Variants in GPC5 observed in about 807,000 individuals in gnomAD.
GPC5 encodes the protein glypican-5.
In GPC5, 47 loss-of-function variants were observed where a neutral mutation model predicts 53.9. The observed-to-expected ratio is 0.87, with a 90% CI of 0.69 to 1.11. The LOEUF (loss-of-function observed/expected upper bound fraction) is 1.11. GPC5 is among the 50% of genes most tolerant of loss of function. GPC5 has a pLI of 0.00. For missense variants in GPC5, 748 were observed against 713.1 expected, an observed-to-expected ratio of 1.05 and a Z score of -0.56; for synonymous variants, 286 against 263.3, an observed-to-expected ratio of 1.09 and a Z score of -0.84.
chr13:92,685,583 C>G (rs1411177906), intron 7 of GPC5, among the ~76,000 whole-genome samples: 8 of 42,644 alleles, frequency 1.9e-4, no homozygotes, highest in African/African-American at 2.7e-4. Flanking sequence ...TTATTATACT[C>G]TAAGTTTTAG....
chr13:92,637,640 C>A (rs1488832351), intron 7 of GPC5, among the ~76,000 whole-genome samples: 2 of 152,144 alleles, frequency 1.3e-5, no homozygotes, highest in Non-Finnish European at 2.9e-5. Context: ...GCAAATTATT[C>A]CTAAGTAACT....
Position 92,709,022 on chromosome 13 carries a change from G to A in GPC5, c.1562-157260G>A, listed in dbSNP as rs1053883964. 3.4e-5 allele frequency among the ~76,000 whole-genome samples: 5 copies of A among 148,364 alleles called. No individual in the cohort carries two copies. The South Asian group carries it at 1.1e-3, about 32-fold the overall frequency. ...CTCAGCCTCTCAAGTAGCTGGGCCT[G>A]CAGGCACCCACCACCATCTGGCTAA... On this transcript the variant is annotated intron_variant, in intron 7 of 7. Transcript: ENST00000377067.
chr13:91,529,464 C>G (rs1007252922), intron 2 of GPC5, among the ~76,000 whole-genome samples: 1 of 152,064 alleles, frequency 6.6e-6, no homozygotes, highest in Non-Finnish European at 1.5e-5. Context: ...CTTTATGCTC[C>G]GAAGACATTT....
chr13:91,735,217 G>GT (rs967500269), intron 4 of GPC5, among the ~76,000 whole-genome samples: 7 of 150,734 alleles, frequency 4.6e-5, no homozygotes, highest in Non-Finnish European at 1.0e-4. Flanking sequence ...TAGCTCTATG[G>GT]TTTTTTCTCT....
At chr13:92,399,069 C>G (rs1875433242) in intron 7 of GPC5, among the ~76,000 whole-genome samples, 1 of 152,190 alleles carries the variant, frequency 6.6e-6, no homozygotes, top group South Asian at 2.1e-4. Flanking sequence ...TAACCACCAC[C>G]CAAAAGACTC....
chr13:91,631,193 C>A lies in GPC5; in HGVS notation c.326-61994C>A, dbSNP rs149928784. On this transcript the variant is annotated intron_variant, in intron 2 of 7. Coordinates refer to ENST00000377067, the MANE Select transcript of GPC5 (RefSeq NM_004466.6). ...AAGGCCTTAGGTATTGGCAAGTGTA[C>A]CACTTTGGTTTTTGGTTTACATTAC... 1.0e-3 allele frequency among the ~76,000 whole-genome samples: 156 copies of A among 152,254 alleles called. 2 individuals are homozygous for A. The East Asian group carries it at 0.024, about 24-fold the overall frequency.
intron 5 of GPC5, among the ~76,000 whole-genome samples, chr13:91,768,072 T>A (rs1053428258): frequency 3.9e-5 from 6 of 152,208 alleles, no homozygotes; most frequent in African/African-American, 1.4e-4. Flanking sequence ...AAAATATTGT[T>A]TATTAGTCTA....
intron 7 of GPC5, among the ~76,000 whole-genome samples, chr13:92,693,483 G>T (rs1887472925): frequency 6.6e-6 from 1 of 152,122 alleles, no homozygotes; most frequent in Non-Finnish European, 1.5e-5. Context: ...GGAAACTGGA[G>T]TAAAGGTCAC....
At chr13:91,610,682 T>C (rs1404293355) in intron 2 of GPC5, among the ~76,000 whole-genome samples, 1 of 152,212 alleles carries the variant, frequency 6.6e-6, no homozygotes, top group Non-Finnish European at 1.5e-5. Flanking sequence ...ATCTGTGAAT[T>C]TTTAAAAACT....
At chr13:92,490,921 G>A (rs1162605041) in intron 7 of GPC5, among the ~76,000 whole-genome samples, 1 of 152,016 alleles carries the variant, frequency 6.6e-6, no homozygotes, top group Admixed American at 6.6e-5. Flanking sequence ...AAGAAGCCTT[G>A]TAAAATTTAT....
chr13:92,342,948 T>C (rs907772296), intron 7 of GPC5, among the ~76,000 whole-genome samples: 51 of 152,252 alleles, frequency 3.3e-4, no homozygotes, highest in Non-Finnish European at 1.2e-4. Context: ...CTTTCATATA[T>C]TAGGACATTA....
chr13:91,943,169 A>C (rs1408414864), intron 6 of GPC5, among the ~76,000 whole-genome samples: 3 of 152,134 alleles, frequency 2.0e-5, no homozygotes, highest in Non-Finnish European at 4.4e-5. Flanking sequence ...AGATTCTGCT[A>C]TGCTTTTTCA....
At chr13:91,876,106 T>G (rs527423156) in intron 5 of GPC5, among the ~76,000 whole-genome samples, 1 of 152,320 alleles carries the variant, frequency 6.6e-6, no homozygotes, top group East Asian at 1.9e-4. Context: ...ATGTAAGAAG[T>G]GCCTTTCACC....
At chr13:92,420,350 TTTTTAA>T (rs1347963130) in intron 7 of GPC5, among the ~76,000 whole-genome samples, 3 of 152,186 alleles carry the variant, frequency 2.0e-5, no homozygotes, top group Non-Finnish European at 2.9e-5. Flanking sequence ...CTTTTTTTAA[TTTTTAA>T]TTTTAATTTT....
intron 6 of GPC5, among the ~76,000 whole-genome samples, chr13:92,135,382 C>T (rs568274479): frequency 6.6e-6 from 1 of 152,260 alleles, no homozygotes; most frequent in Non-Finnish European, 1.5e-5. Context: ...TCCCCTGTTT[C>T]AATTGTAATA....
At position 91,785,898 on chromosome 13, in the gene GPC5, T is replaced by A. The variant is rs578116543; in HGVS notation, c.1280+29478T>A. ...TTCCATTAATTCCAACTACTCTCCC[T>A]ACTTCCACCCTTGCTCCTCCCCCTG... is the stretch of plus-strand genomic sequence containing the variant. On this transcript the variant is annotated intron_variant, in intron 5 of 7. Coordinates refer to ENST00000377067, the MANE Select transcript of GPC5 (RefSeq NM_004466.6). 5.3e-5 allele frequency among the ~76,000 whole-genome samples: 8 copies of A among 152,326 alleles called. No homozygotes were observed. The East Asian group carries it at 1.5e-3, about 29-fold the overall frequency.
intron 2 of GPC5, among the ~76,000 whole-genome samples, chr13:91,658,586 A>G (rs192489096): frequency 6.6e-6 from 1 of 152,290 alleles, no homozygotes; most frequent in Admixed American, 6.5e-5. Flanking sequence ...TATAGTATCT[A>G]TGTTTAATTA....
At chr13:92,803,876 C>T (rs1877000521) in intron 7 of GPC5, among the ~76,000 whole-genome samples, 1 of 151,846 alleles carries the variant, frequency 6.6e-6, no homozygotes, top group African/African-American at 2.4e-5. Context: ...TTCACTTCTC[C>T]CCCAGAAAGT....
At chr13:92,460,585 T>C (rs61973629) in intron 7 of GPC5, among the ~76,000 whole-genome samples, 10,467 of 152,222 alleles carry the variant, frequency 0.069, 464 homozygotes, top group African/African-American at 0.12. Flanking sequence ...AAGGGGCTTA[T>C]GCAGTAGTCC....
Sources: allele counts gnomAD v4.1 joint callset (sites outside exome capture counted in the v4.1 genomes callset), GRCh38; gene constraint gnomAD v4.1.1; transcripts MANE v1.5; gene names NCBI Gene and HGNC (gene_info 2026-07-23, HGNC 2026-07-21).